The following PDE10A variants were observed in gnomAD, a reference collection of about 807,000 sequenced individuals.
PDE10A encodes the protein phosphodiesterase 10A.
Under a neutral mutation model 97.7 loss-of-function variants are expected in PDE10A, and 39 were observed. The ratio of observed to expected loss-of-function variants is 0.40; its 90% CI spans 0.31 to 0.52. PDE10A has a LOEUF of 0.52. Ranked by LOEUF, PDE10A falls within the 20% of genes least tolerant of loss-of-function variation. PDE10A has a pLI of 0.56. For missense variants in PDE10A, 731 were observed against 1,047.8 expected (o/e 0.70, Z 4.17); for synonymous variants, 371 against 376.8 (o/e 0.98, Z 0.18).
At chr6:165,916,040 G>T (rs527542647) in intron 1 of PDE10A, among the ~76,000 whole-genome samples, 18 of 152,320 alleles carry the variant, frequency 1.2e-4, no homozygotes, top group South Asian at 6.2e-4. Flanking sequence ...CTCTAAATTT[G>T]GATGTAAACA....
chr6:165,855,842 T>C (rs971842138), intron 1 of PDE10A, among the ~76,000 whole-genome samples: 1 of 152,062 alleles, frequency 6.6e-6, no homozygotes, highest in Non-Finnish European at 1.5e-5. Context: ...CACAGCCACT[T>C]TGTGCATGGA....
intron 1 of PDE10A, among the ~76,000 whole-genome samples, chr6:165,634,511 A>T (rs1411352094): frequency 6.6e-6 from 1 of 152,224 alleles, no homozygotes; most frequent in African/African-American, 2.4e-5. Flanking sequence ...AGAACATTTA[A>T]GAAAGTTTTC....
chr6:165,958,706 A>AAGAAAGAAAGAG (rs1784255373), intron 1 of PDE10A, among the ~76,000 whole-genome samples: 1 of 139,742 alleles, frequency 7.2e-6, no homozygotes, highest in African/African-American at 2.9e-5. Flanking sequence ...GAAAGAAAGA[A>AAGAAAGAAAGAG]AGAAAGAGAG....
rs574965944 is a variant in PDE10A, at chr6:165,828,779, C to T, written c.-615+158750G>A. ...ACTGCGGGCAGTGGAGGCCCTGTGCCCCCACCCTAAATGTCCCATCAGAGT... is the reference window on the plus strand; with the variant it reads ...ACTGCGGGCAGTGGAGGCCCTGTGCTCCCACCCTAAATGTCCCATCAGAGT... On this transcript the variant is annotated intron_variant, in intron 1 of 19. Transcript: ENST00000366882. Among the ~76,000 whole-genome samples, 7 of 152,274 alleles carry T rather than the reference C, an allele frequency of 4.6e-5. No individual in the cohort carries two copies. In the East Asian group the frequency reaches 1.4e-3, roughly 29 times the overall value.
chr6:165,764,809 G>C (rs554319536), intron 1 of PDE10A, among the ~76,000 whole-genome samples: 82 of 152,306 alleles, frequency 5.4e-4, no homozygotes, highest in Admixed American at 3.7e-3. Flanking sequence ...CTTCCACAGA[G>C]TGTCGAAGGG....
chr6:165,930,032 C>A (rs1294403626), intron 1 of PDE10A, among the ~76,000 whole-genome samples: 1 of 148,176 alleles, frequency 6.7e-6, no homozygotes, highest in Admixed American at 6.7e-5. Context: ...ACATATCACT[C>A]CAGAAATGAG....
intron 1 of PDE10A, among the ~76,000 whole-genome samples, chr6:165,810,269 T>A (rs1418116362): frequency 6.6e-6 from 1 of 152,198 alleles, no homozygotes; most frequent in Non-Finnish European, 1.5e-5. Flanking sequence ...GCTGCTTTCA[T>A]CTTTGAAGAA....
chr6:165,620,123 T>A (rs1583660018), intron 1 of PDE10A, among the ~76,000 whole-genome samples: 1 of 152,300 alleles, frequency 6.6e-6, no homozygotes, highest in Non-Finnish European at 1.5e-5. Context: ...TATTTCCCTG[T>A]CAATTCCTGT....
At chr6:165,735,228 TAGAC>T (rs140382460) in intron 1 of PDE10A, among the ~76,000 whole-genome samples, 1,921 of 151,158 alleles carry the variant, frequency 0.013, 37 homozygotes, top group African/African-American at 0.045. Flanking sequence ...GATGAGTAGA[TAGAC>T]AGGTGGGTGG....
chr6:165,947,153 G>A (rs900496024), intron 1 of PDE10A: 9 of 152,168 alleles, frequency 5.9e-5, no homozygotes, highest in African/African-American at 1.7e-4. Flanking sequence ...TTCATCTTCT[G>A]GGCGTGTCTG....
chr6:165,942,964 T>G (rs564609012), intron 1 of PDE10A, among the ~76,000 whole-genome samples: 3 of 151,568 alleles, frequency 2.0e-5, no homozygotes, highest in Non-Finnish European at 4.4e-5. Flanking sequence ...AGAAGCCAGG[T>G]GAATGTAATA....
At chr6:165,593,058 A>G (rs1786374611) in intron 1 of PDE10A, among the ~76,000 whole-genome samples, 1 of 152,258 alleles carries the variant, frequency 6.6e-6, no homozygotes, top group African/African-American at 2.4e-5. Context: ...CCAAATGTCC[A>G]TCAATGATAG....
intron 10 of PDE10A, among the ~76,000 whole-genome samples, chr6:165,425,932 TAAAGA>T (rs1789119929): frequency 6.6e-6 from 1 of 151,166 alleles, no homozygotes; most frequent in South Asian, 2.1e-4. Context: ...AATCAAAAAA[TAAAGA>T]AAACAATTCC....
chr6:165,684,497 C>G (rs371995575), intron 1 of PDE10A, among the ~76,000 whole-genome samples: 1 of 152,220 alleles, frequency 6.6e-6, no homozygotes, highest in Non-Finnish European at 1.5e-5. Flanking sequence ...AAGCTATGGT[C>G]GCGGCTGCCA....
At chr6:165,976,587 G>A (rs931825971) in intron 1 of PDE10A, among the ~76,000 whole-genome samples, 41 of 152,132 alleles carry the variant, frequency 2.7e-4, no homozygotes, top group African/African-American at 5.8e-4. Context: ...TCCTGGACTC[G>A]CCTGACTCTG....
intron 1 of PDE10A, among the ~76,000 whole-genome samples, chr6:165,811,959 T>C (rs1333227433): frequency 6.6e-6 from 1 of 152,186 alleles, no homozygotes; most frequent in African/African-American, 2.4e-5. Flanking sequence ...ATTCAAGCAG[T>C]TCTCCCACCT....
intron 19 of PDE10A, among the ~76,000 whole-genome samples, chr6:165,341,571 G>T (rs557643100): frequency 3.9e-5 from 6 of 152,258 alleles, no homozygotes; most frequent in Admixed American, 3.9e-4. Context: ...ATGGCTTCAT[G>T]AATTTCCTTT....
At chr6:165,626,640 A>C (rs752617328) in intron 1 of PDE10A, among the ~76,000 whole-genome samples, 36 of 152,216 alleles carry the variant, frequency 2.4e-4, no homozygotes, top group Non-Finnish European at 5.0e-4. Context: ...TTAGGAAAGA[A>C]GACTTTCTTA....
Position 165,379,358 on chromosome 6 carries a change from C to T in PDE10A, c.2619G>A (p.Gly873=). 5.0e-6 allele frequency: 8 copies of T among 1,609,724 alleles called. No individual in the cohort carries two copies. The highest frequency in any genetic ancestry group is 2.5e-6 in the Non-Finnish European group (3 of 1,178,470). Residue 873 remains glycine (G), a synonymous_variant, in exon 18 of 22, where the codon GGG becomes GGA. Transcript: ENST00000539869. Reference sequence around the variant, plus strand: ...AGCTCAGAGTGGAGAAGATATTGTGCCCTTCCAACTAGGGAAAAAATACAA... The same window carrying T: ...AGCTCAGAGTGGAGAAGATATTGTGTCCTTCCAACTAGGGAAAAAATACAA... The part of the protein sequence containing the change: ...SQTVSILQLE[G]HNIFSTLSSS...
Sources: gnomAD v4.1 joint callset for allele counts (sites outside exome capture counted in the v4.1 genomes callset) on GRCh38, gnomAD v4.1.1 for gene constraint, MANE v1.5 for transcripts, NCBI Gene and HGNC (gene_info 2026-07-23, HGNC 2026-07-21) for gene names.